The following MAS1 variants were observed in gnomAD, a reference collection of about 807,000 sequenced individuals.
MAS1 encodes the protein MAS1 proto-oncogene, G protein-coupled receptor.
For synonymous variants in MAS1, 163 were observed against 164.2 expected, an observed-to-expected ratio of 0.99 and a Z score of 0.05; for missense variants, 387 against 409.7, an observed-to-expected ratio of 0.94 and a Z score of 0.48.
chr6:159,907,720 GTCGACCTT>G lies in MAS1; in HGVS notation c.767_774del (p.Ser256TrpfsTer16), dbSNP rs1313640202. The stretch of plus-strand genomic sequence containing the variant: ...TTTACCTGCTGTACTATGAGTATTG[GTCGACCTT>G]TGGGAACCTACACCACATTTCCCTG... On this transcript the variant is annotated frameshift_variant, in exon 3 of 3. Transcript: ENST00000674077. LOFTEE classifies it low-confidence loss of function (END_TRUNC). 6.2e-7 allele frequency: 1 copy of G among 1,613,298 alleles called. No individual in the cohort carries two copies. The highest frequency in any genetic ancestry group is 8.5e-7 in the Non-Finnish European group (1 of 1,179,882).
chr6:159,903,050 T>C (rs1046414573), intron 2 of MAS1, among the ~76,000 whole-genome samples: 1 of 152,064 alleles, frequency 6.6e-6, no homozygotes, highest in African/African-American at 2.4e-5. Flanking sequence ...AAAACTACAC[T>C]GCCCCAGGCT....
chr6:159,903,513 T>G (rs1460060832), intron 2 of MAS1, among the ~76,000 whole-genome samples: 2 of 152,158 alleles, frequency 1.3e-5, no homozygotes, highest in African/African-American at 4.8e-5. Flanking sequence ...CTTTCCCTCA[T>G]GTATTTCACA....
upstream of MAS1, among the ~76,000 whole-genome samples, chr6:159,890,304 T>C (rs771510926): frequency 3.3e-5 from 5 of 152,054 alleles, no homozygotes; most frequent in Non-Finnish European, 4.4e-5. Context: ...GAAAAGGAAT[T>C]TGCTCTCATG....
intron 2 of MAS1, among the ~76,000 whole-genome samples, chr6:159,905,689 T>G (rs1782877141): frequency 6.6e-6 from 1 of 152,172 alleles, no homozygotes; most frequent in Non-Finnish European, 1.5e-5. Context: ...AACACATTTA[T>G]GTATTATTCT....
rs770891963 is a variant in MAS1, at chr6:159,907,134, G to C, written c.179G>C (p.Arg60Pro). The change falls in exon 3 of 3, where the codon CGG becomes CCG. Residue 60 changes from arginine to proline, a missense_variant. By Grantham distance (103) the Arg-to-Pro change is moderately radical. Coordinates refer to ENST00000674077, the MANE Select transcript of MAS1 (RefSeq NM_002377.4). ...NGILLWFLCF[R>P]MRRNPFTVYI... Reference sequence around the variant, plus strand: ...ATTCTCCTCTGGTTCCTGTGCTTCCGGATGAGAAGAAATCCCTTCACTGTC... The same window carrying C: ...ATTCTCCTCTGGTTCCTGTGCTTCCCGATGAGAAGAAATCCCTTCACTGTC... The C allele has an allele frequency of 1.2e-6, 2 of 1,614,174 alleles. No individual in the cohort carries two copies. The highest frequency in any genetic ancestry group is 3.3e-5 in the Admixed American group (2 of 60,018).
chr6:159,891,797 G>T (rs1782701875), intron 1 of MAS1, among the ~76,000 whole-genome samples: 1 of 152,178 alleles, frequency 6.6e-6, no homozygotes, highest in Non-Finnish European at 1.5e-5. Flanking sequence ...TTTGGTGAGA[G>T]AATGTATAGT....
At chr6:159,897,160 C>T (rs1348365947) in intron 1 of MAS1, among the ~76,000 whole-genome samples, 2 of 152,148 alleles carry the variant, frequency 1.3e-5, no homozygotes, top group Admixed American at 6.5e-5. Context: ...AGGCCTGAGC[C>T]ACCACCCCCG....
Position 159,891,704 on chromosome 6 carries a change from T to C in MAS1, c.-244+571T>C, listed in dbSNP as rs540137964. ...TGCATTCCTTTGGTGACAAGATGTC[T>C]GTTAAAAGGAATCTCCTGCCCAGTC... On this transcript the variant is annotated intron_variant, in intron 1 of 2. Coordinates refer to ENST00000674077, the MANE Select transcript of MAS1 (RefSeq NM_002377.4). Among the ~76,000 whole-genome samples, 7 of 152,350 alleles carry C rather than the reference T, an allele frequency of 4.6e-5. No homozygotes were observed. The South Asian group carries it at 1.4e-3, about 32-fold the overall frequency.
At chr6:159,906,165 C>A (rs993258638) in intron 2 of MAS1, among the ~76,000 whole-genome samples, 1 of 152,026 alleles carries the variant, frequency 6.6e-6, no homozygotes, top group Non-Finnish European at 1.5e-5. Context: ...TTTTTGAGTG[C>A]TTTGTCTGGC....
At chr6:159,906,218 T>C (rs1782885332) in intron 2 of MAS1, among the ~76,000 whole-genome samples, 1 of 152,232 alleles carries the variant, frequency 6.6e-6, no homozygotes, top group Admixed American at 6.5e-5. Context: ...CTGTGGTCTG[T>C]GGGGACGTAC....
intron 2 of MAS1, among the ~76,000 whole-genome samples, chr6:159,904,308 A>T (rs1312272474): frequency 6.6e-6 from 1 of 151,984 alleles, no homozygotes; most frequent in Admixed American, 6.6e-5. Flanking sequence ...TACAACACCC[A>T]CATTTATATA....
rs147446689 is a variant in MAS1 at position 159,907,057 on chromosome 6, C to T, written c.102C>T (p.Ile34=). 20 of 1,613,992 alleles carry T rather than the reference C, an allele frequency of 1.2e-5. No individual in the cohort carries two copies. The highest frequency in any genetic ancestry group is 9.3e-5 in the African/African-American group (7 of 74,912). ...GGAATGCACATCGGCAAATCCCCAT[C>T]GTGCACTGGGTCATTATGAGCATCT... The part of the protein sequence containing the change: ...SVGNAHRQIP[I]VHWVIMSISP... The change falls in exon 3 of 3, where the codon ATC becomes ATT. Residue 34 remains isoleucine (I), a synonymous_variant. Transcript: ENST00000674077.
chr6:159,910,464 C>T lies in MAS1; in HGVS notation c.*2531C>T, dbSNP rs77846331. 0.023 allele frequency: 3,479 copies of T among 152,388 alleles called. 58 individuals carry two copies. Among genetic ancestry groups the T allele is most frequent in the Non-Finnish European group, 0.035 (2,384 of 68,072 alleles). The allele number at this position is 152,388 out of a possible 1,614,324, so 9.4% of individuals were successfully genotyped here. ...GCAGCCTCTTCTGTTCCCTCCCCTG[C>T]CCACTGGGGTTTCTCCTCAGCACTC... On this transcript the variant is annotated 3_prime_UTR_variant, in exon 3 of 3. Coordinates refer to ENST00000674077, the MANE Select transcript of MAS1 (RefSeq NM_002377.4).
At chr6:159,889,217 T>C (rs113148646), upstream of MAS1, among the ~76,000 whole-genome samples, 87 of 152,356 alleles carry the variant, frequency 5.7e-4, 1 homozygote, top group African/African-American at 2.0e-3. Context: ...GGGCAGCTTG[T>C]TGTCCTCTGC....
rs925601631 is a variant in MAS1, at chr6:159,914,995, T to A, written c.*7062T>A. 1 of 152,026 alleles carries A rather than the reference T, an allele frequency of 6.6e-6. No individual in the cohort carries two copies. The highest frequency in any genetic ancestry group is 6.6e-5 in the Admixed American group (1 of 15,258). The allele number at this position is 152,026 out of a possible 1,614,324, so 9.4% of individuals were successfully genotyped here. On this transcript the variant is annotated 3_prime_UTR_variant, in exon 3 of 3. Transcript: ENST00000674077. Reference sequence around the variant, plus strand: ...CTTTCAATTCTGTGGACCTAGGGGGTTTCTCAGCTTCTCCCCAAAGTTCTG... The same window carrying A: ...CTTTCAATTCTGTGGACCTAGGGGGATTCTCAGCTTCTCCCCAAAGTTCTG...
intron 1 of MAS1, among the ~76,000 whole-genome samples, chr6:159,898,966 A>T (rs1782793497): frequency 6.6e-6 from 1 of 152,190 alleles, no homozygotes; most frequent in African/African-American, 2.4e-5. Flanking sequence ...GAGCAAAGGC[A>T]GTTGGTAGGC....
rs1562312157 is a variant in MAS1 at position 159,907,093 on chromosome 6, GT to G, written c.141del (p.Phe47LeufsTer15). ...WVIMSISPVG[F>X]VENGILLWFL... is the part of the protein sequence containing the mutation. ...TCATTATGAGCATCTCCCCAGTGGG[GT>G]TTGTTGAGAATGGGATTCTCCTCTG... On this transcript the variant is annotated frameshift_variant, in exon 3 of 3. Transcript: ENST00000674077. LOFTEE classifies it low-confidence loss of function (END_TRUNC). 3.7e-6 allele frequency: 6 copies of G among 1,614,206 alleles called. No homozygotes were observed. The highest frequency in any genetic ancestry group is 5.1e-6 in the Non-Finnish European group (6 of 1,180,016).
intron 1 of MAS1, among the ~76,000 whole-genome samples, chr6:159,893,523 A>G (rs1463489682): frequency 3.9e-5 from 6 of 152,162 alleles, no homozygotes; most frequent in African/African-American, 1.4e-4. Context: ...AAATGAGTAA[A>G]TGCATAGAGG....
chr6:159,903,360 C>T (rs766479754), intron 2 of MAS1, among the ~76,000 whole-genome samples: 9 of 152,118 alleles, frequency 5.9e-5, no homozygotes, highest in East Asian at 1.9e-4. Context: ...TTCTCCATGT[C>T]GGCACCTGGA....
Sources: allele counts gnomAD v4.1 joint callset (sites outside exome capture counted in the v4.1 genomes callset), GRCh38; gene constraint gnomAD v4.1.1; transcripts MANE v1.5; gene names NCBI Gene and HGNC (gene_info 2026-07-23, HGNC 2026-07-21).